Variants in PPP1R1C observed in about 807,000 individuals in gnomAD.
PPP1R1C encodes the protein protein phosphatase 1 regulatory inhibitor subunit 1C, also known as protein phosphatase 1 regulatory subunit 1C.
PPP1R1C carries 15 observed loss-of-function variants against 17.4 expected under a neutral mutation model. The ratio of observed to expected loss-of-function variants is 0.86; its 90% CI spans 0.58 to 1.33. PPP1R1C has a LOEUF of 1.33. Among genes scored for constraint, PPP1R1C ranks in the 40% most tolerant of loss-of-function variants. The pLI is 0.00. For synonymous variants in PPP1R1C, 35 were observed against 43.1 expected (o/e 0.81, Z 0.73); for missense variants, 143 against 130.0 (o/e 1.10, Z -0.48).
At chr2:182,060,368 A>G (rs1186846378) in intron 2 of PPP1R1C, among the ~76,000 whole-genome samples, 1 of 151,672 alleles carries the variant, frequency 6.6e-6, no homozygotes, top group Non-Finnish European at 1.5e-5. Flanking sequence ...ATTTGTGTGC[A>G]TATATATGTA....
intron 4 of PPP1R1C, among the ~76,000 whole-genome samples, chr2:182,089,971 CT>C (rs1368383575): frequency 6.6e-6 from 1 of 151,788 alleles, no homozygotes; most frequent in Non-Finnish European, 1.5e-5. Context: ...AATATATTAT[CT>C]TTTTATACTT....
chr2:181,954,932 C>G (rs1393235696), intron 1 of PPP1R1C, among the ~76,000 whole-genome samples: 1 of 152,060 alleles, frequency 6.6e-6, no homozygotes, highest in African/African-American at 2.4e-5. Context: ...ATGGCTAGGA[C>G]AGGAGCTGTG....
At chr2:182,008,711 C>G (rs1686002459) in intron 2 of PPP1R1C, among the ~76,000 whole-genome samples, 1 of 152,080 alleles carries the variant, frequency 6.6e-6, no homozygotes, top group African/African-American at 2.4e-5. Context: ...TTTTAAAATG[C>G]ACAATAAATT....
In PPP1R1C at chr2:181,969,617, A is replaced by G. The variant is rs181076140; in HGVS notation, n.112-5602A>G. Reference sequence around the variant, plus strand: ...TTGAGTTAAATCTGCTTGGTGTTGCATAACCTTCTTGTACTGGTATCTTGA... The same window carrying G: ...TTGAGTTAAATCTGCTTGGTGTTGCGTAACCTTCTTGTACTGGTATCTTGA... On this transcript the variant is annotated intron_variant and non_coding_transcript_variant, in intron 1 of 5. Coordinates refer to the PPP1R1C transcript ENST00000464264. Among the ~76,000 whole-genome samples, 156 of 152,278 alleles carry G rather than the reference A, an allele frequency of 1.0e-3. 2 individuals are homozygous for G. The highest frequency in any genetic ancestry group is 6.2e-4 in the Non-Finnish European group (42 of 68,026).
At chr2:182,070,172 C>T (rs775709393) in intron 4 of PPP1R1C, among the ~76,000 whole-genome samples, 10 of 152,180 alleles carry the variant, frequency 6.6e-5, no homozygotes, top group Non-Finnish European at 1.3e-4. Context: ...ACAGAAGGGA[C>T]AGTCATATTT....
intron 2 of PPP1R1C, among the ~76,000 whole-genome samples, chr2:182,051,488 T>A (rs1269699224): frequency 6.6e-6 from 1 of 152,170 alleles, no homozygotes; most frequent in Admixed American, 6.5e-5. Flanking sequence ...TACCACCACA[T>A]CAGTTACAGT....
chr2:181,964,925 C>G (rs1684880369), intron 1 of PPP1R1C, among the ~76,000 whole-genome samples: 1 of 152,154 alleles, frequency 6.6e-6, no homozygotes. Flanking sequence ...AGGCTGGTCT[C>G]AAACTCCTGA....
intron 4 of PPP1R1C, among the ~76,000 whole-genome samples, chr2:182,113,741 A>G (rs983403): frequency 0.65 from 98,096 of 151,810 alleles, 31,882 homozygotes; most frequent in African/African-American, 0.7. Flanking sequence ...AATTGCTTAG[A>G]CCATCATTCC....
intron 2 of PPP1R1C, among the ~76,000 whole-genome samples, chr2:182,007,934 G>C (rs1685971232): frequency 6.6e-6 from 1 of 152,094 alleles, no homozygotes; most frequent in Non-Finnish European, 1.5e-5. Context: ...CGGGAGTGGT[G>C]GTGGGTGTCT....
At chr2:182,061,615 G>T in intron 3 of PPP1R1C, 136 bp downstream of exon 3, 1 of 467,744 alleles carries the variant, frequency 2.1e-6, no homozygotes, top group Non-Finnish European at 3.8e-6. Flanking sequence ...TGAATAAACA[G>T]TAATATAGTG....
chr2:182,093,979 G>A (rs746972187), intron 4 of PPP1R1C, among the ~76,000 whole-genome samples: 4 of 152,088 alleles, frequency 2.6e-5, no homozygotes, highest in South Asian at 2.1e-4. Flanking sequence ...TCTGTTTAGC[G>A]GTGCACCACT....
At chr2:182,043,307 A>C (rs1340455543) in intron 2 of PPP1R1C, among the ~76,000 whole-genome samples, 1 of 152,188 alleles carries the variant, frequency 6.6e-6, no homozygotes, top group Non-Finnish European at 1.5e-5. Flanking sequence ...TGATACCCTC[A>C]ACTTCCTGCC....
chr2:182,103,305 AT>A (rs1330071795), intron 4 of PPP1R1C, among the ~76,000 whole-genome samples: 3 of 152,182 alleles, frequency 2.0e-5, no homozygotes, highest in African/African-American at 4.8e-5. Context: ...TTTGTTTAAT[AT>A]TTTTTCTCTT....
At chr2:181,995,794 T>C (rs2125145381) in intron 2 of PPP1R1C, among the ~76,000 whole-genome samples, 2 of 152,004 alleles carry the variant, frequency 1.3e-5, no homozygotes, top group Admixed American at 1.3e-4. Flanking sequence ...CCCTGGAGCC[T>C]TGGGATTTTT....
chr2:182,108,753 A>G (rs1319456741), intron 4 of PPP1R1C, among the ~76,000 whole-genome samples: 1 of 152,150 alleles, frequency 6.6e-6, no homozygotes. Flanking sequence ...CTTATAATCC[A>G]TATCCAGTTT....
chr2:182,119,975 C>T (rs1395950731), downstream of PPP1R1C, among the ~76,000 whole-genome samples: 1 of 152,132 alleles, frequency 6.6e-6, no homozygotes, highest in East Asian at 1.9e-4. Context: ...GCATGAAGTC[C>T]TTGCCCATGC....
chr2:182,072,013 T>C (rs1296199196), intron 4 of PPP1R1C, among the ~76,000 whole-genome samples: 1 of 152,204 alleles, frequency 6.6e-6, no homozygotes. Context: ...CCTATTTGAG[T>C]CAGTATTCTA....
intron 2 of PPP1R1C, among the ~76,000 whole-genome samples, chr2:181,998,139 G>A (rs1685666355): frequency 6.6e-6 from 1 of 152,188 alleles, no homozygotes; most frequent in African/African-American, 2.4e-5. Flanking sequence ...GTGAACATGG[G>A]TTTCATTCGT....
At chr2:182,021,500 G>T (rs1286852600) in intron 2 of PPP1R1C, among the ~76,000 whole-genome samples, 1 of 151,712 alleles carries the variant, frequency 6.6e-6, no homozygotes, top group African/African-American at 2.4e-5. Context: ...GCTAATTTTT[G>T]TATTTTTAGT....
Sources: allele counts gnomAD v4.1 joint callset (sites outside exome capture counted in the v4.1 genomes callset), GRCh38; gene constraint gnomAD v4.1.1; transcripts MANE v1.5; gene names NCBI Gene and HGNC (gene_info 2026-07-23, HGNC 2026-07-21).